The following FRMPD2 variants were observed in gnomAD, a reference collection of about 807,000 sequenced individuals.
The protein encoded by FRMPD2 is FERM and PDZ domain-containing protein 2.
FRMPD2 carries 96 observed loss-of-function variants against 140.1 expected under a neutral mutation model. That is an observed-to-expected ratio of 0.69 (90% CI 0.58 to 0.81). FRMPD2 has a LOEUF of 0.81. Among genes scored for constraint, FRMPD2 ranks in the 40% least tolerant of loss-of-function variants. FRMPD2 has a pLI of 0.00. For missense variants in FRMPD2, 1,240 were observed against 1,447.4 expected, an observed-to-expected ratio of 0.86 and a Z score of 2.32; for synonymous variants, 449 against 547.6, an observed-to-expected ratio of 0.82 and a Z score of 2.52.
At chr10:48,272,875 T>C (rs1048256070) in intron 1 of FRMPD2, among the ~76,000 whole-genome samples, 3 of 152,240 alleles carry the variant, frequency 2.0e-5, no homozygotes, top group African/African-American at 4.8e-5. Flanking sequence ...ATTGTTTCAC[T>C]TTCTTCTTAC....
chr10:48,203,122 TAAC>T (rs1439733588), intron 14 of FRMPD2, among the ~76,000 whole-genome samples: 1 of 152,144 alleles, frequency 6.6e-6, no homozygotes, highest in Admixed American at 6.5e-5. Flanking sequence ...TAAAATGTAA[TAAC>T]TATTTTTTAA....
chr10:48,192,934 A>G (rs760693611), intron 15 of FRMPD2, 40 bp from the exon 16 acceptor site: 44 of 1,436,086 alleles, frequency 3.1e-5, no homozygotes, highest in Non-Finnish European at 3.4e-5. Flanking sequence ...CACACACACA[A>G]GAATGATGCT....
At chr10:48,239,499 G>A in intron 7 of FRMPD2, 106 bp downstream of exon 7, 1 of 726,522 alleles carries the variant, frequency 1.4e-6, no homozygotes, top group Non-Finnish European at 2.3e-6. Context: ...TTTTCTGGAG[G>A]AGCAAGAGGC....
intron 12 of FRMPD2, among the ~76,000 whole-genome samples, chr10:48,221,139 C>T (rs529705513): frequency 5.3e-5 from 8 of 152,300 alleles, no homozygotes; most frequent in Admixed American, 2.6e-4. Flanking sequence ...TACTTGCACA[C>T]GCATGTTTAT....
chr10:48,236,068 G>A (rs12259790), intron 9 of FRMPD2, among the ~76,000 whole-genome samples: 4 of 140,272 alleles, frequency 2.9e-5, no homozygotes, highest in Non-Finnish European at 4.7e-5. Context: ...TTTGTTTTTT[G>A]TTTTTTTTTT....
intron 13 of FRMPD2, among the ~76,000 whole-genome samples, chr10:48,211,655 G>A (rs558087553): frequency 2.0e-5 from 3 of 151,926 alleles, no homozygotes; most frequent in Non-Finnish European, 2.9e-5. Context: ...GGTGGCAGGC[G>A]CCTGTAATCC....
At chr10:48,214,470 T>C (rs1839400249) in intron 12 of FRMPD2, among the ~76,000 whole-genome samples, 1 of 152,200 alleles carries the variant, frequency 6.6e-6, no homozygotes. Context: ...TTGTAACAAA[T>C]GTACATTCTG....
chr10:48,197,269 G>A (rs1215816177), intron 15 of FRMPD2, among the ~76,000 whole-genome samples: 3 of 152,076 alleles, frequency 2.0e-5, no homozygotes, highest in Non-Finnish European at 2.9e-5. Flanking sequence ...AAACCCCCGT[G>A]AGCAGGAGCC....
At chr10:48,192,948 T>A (rs1807111681) in intron 15 of FRMPD2, 54 bp from the exon 16 acceptor site, 5 of 1,341,472 alleles carry the variant, frequency 3.7e-6, no homozygotes, top group Non-Finnish European at 5.3e-6. Flanking sequence ...TGATGCTGGA[T>A]CCATTGCTCT....
In FRMPD2 at chr10:48,270,465, G is replaced by C. The variant is rs150314798; in HGVS notation, c.25+4078C>G. 6.6e-4 allele frequency among the ~76,000 whole-genome samples: 100 copies of C among 152,294 alleles called. 1 individual carries two copies. The East Asian group carries it at 0.017, about 26-fold the overall frequency. On this transcript the variant is annotated intron_variant, in intron 1 of 28. Coordinates refer to ENST00000374201, the MANE Select transcript of FRMPD2 (RefSeq NM_001018071.4). The stretch of plus-strand genomic sequence containing the variant: ...ATGTATATTCAAAGATATTTGCCAT[G>C]GTATTATTTGTAACAATGAATAAAG...
At chr10:48,163,985 G>T (rs558662621) in intron 27 of FRMPD2, among the ~76,000 whole-genome samples, 1 of 151,136 alleles carries the variant, frequency 6.6e-6, no homozygotes, top group Non-Finnish European at 1.5e-5. Flanking sequence ...TCCACTCTCC[G>T]ATAAGAAATG....
At chr10:48,266,551 A>T (rs1041392042) in intron 1 of FRMPD2, among the ~76,000 whole-genome samples, 5 of 152,222 alleles carry the variant, frequency 3.3e-5, no homozygotes, top group Admixed American at 2.0e-4. Flanking sequence ...TATACATTTA[A>T]CTGATCTTTG....
intron 1 of FRMPD2, among the ~76,000 whole-genome samples, chr10:48,272,248 A>T (rs1477146277): frequency 6.6e-6 from 1 of 151,948 alleles, no homozygotes; most frequent in Admixed American, 6.6e-5. Context: ...TTTTCTCACC[A>T]CTCTGTATTC....
intron 1 of FRMPD2, among the ~76,000 whole-genome samples, chr10:48,271,902 T>C (rs1840774529): frequency 6.6e-6 from 1 of 152,218 alleles, no homozygotes; most frequent in African/African-American, 2.4e-5. Flanking sequence ...CCATGAGTTA[T>C]TGTGTCTGGC....
At chr10:48,237,869 A>C in intron 8 of FRMPD2, 122 bp downstream of exon 8, 1 of 1,206,034 alleles carries the variant, frequency 8.3e-7, no homozygotes, top group Non-Finnish European at 1.2e-6. Flanking sequence ...CAATCCTATA[A>C]ACCTCAGCCC....
intron 3 of FRMPD2, among the ~76,000 whole-genome samples, chr10:48,246,346 C>T (rs572133960): frequency 1.3e-5 from 2 of 152,364 alleles, no homozygotes; most frequent in East Asian, 1.9e-4. Context: ...ATTCTAAGGG[C>T]TCTGTCTAAA....
intron 4 of FRMPD2, among the ~76,000 whole-genome samples, chr10:48,244,314 C>T (rs143659043): frequency 4.9e-4 from 75 of 152,304 alleles, no homozygotes; most frequent in African/African-American, 1.8e-3. Context: ...AAGCTTTAAG[C>T]CTTCTTGTAG....
intron 25 of FRMPD2, among the ~76,000 whole-genome samples, chr10:48,171,651 A>C: frequency 6.6e-6 from 1 of 152,256 alleles, no homozygotes; most frequent in Non-Finnish European, 1.5e-5. Context: ...AATCCAATAC[A>C]TATTTTATCC....
intron 1 of FRMPD2, among the ~76,000 whole-genome samples, chr10:48,257,097 G>A (rs565294419): frequency 1.5e-4 from 22 of 151,532 alleles, no homozygotes; most frequent in East Asian, 3.9e-4. Context: ...CCATCTGCCC[G>A]CATTCCTCAG....
Sources: allele counts gnomAD v4.1 joint callset (sites outside exome capture counted in the v4.1 genomes callset), GRCh38; gene constraint gnomAD v4.1.1; transcripts MANE v1.5; gene names NCBI Gene and HGNC (gene_info 2026-07-23, HGNC 2026-07-21).